PLCXD2: variants seen among roughly 807,000 people sequenced by gnomAD.
The protein encoded by PLCXD2 is PI-PLC X domain-containing protein 2.
In PLCXD2, 21 loss-of-function variants were observed where a neutral mutation model predicts 28.6. The observed-to-expected ratio is 0.73, with a 90% CI of 0.52 to 1.06. PLCXD2 has a LOEUF of 1.06. PLCXD2 is among the 50% of genes least tolerant of loss of function. The pLI is 0.00. For missense variants in PLCXD2, 369 were observed against 376.7 expected, an observed-to-expected ratio of 0.98 and a Z score of 0.17; for synonymous variants, 140 against 150.1, an observed-to-expected ratio of 0.93 and a Z score of 0.49.
intron 2 of PLCXD2, among the ~76,000 whole-genome samples, chr3:111,711,158 A>G (rs1941194536): frequency 6.6e-6 from 1 of 152,198 alleles, no homozygotes; most frequent in South Asian, 2.1e-4. Context: ...CTGTAATCCC[A>G]GCACTTTGGG....
chr3:111,679,359 C>T (rs1271932682), intron 1 of PLCXD2, among the ~76,000 whole-genome samples: 2 of 152,140 alleles, frequency 1.3e-5, no homozygotes, highest in African/African-American at 4.8e-5. Flanking sequence ...TCTGGTCCTT[C>T]CATATCCCTG....
chr3:111,710,461 G>A (rs544008516), intron 2 of PLCXD2, among the ~76,000 whole-genome samples: 2 of 152,192 alleles, frequency 1.3e-5, no homozygotes, highest in South Asian at 4.2e-4. Flanking sequence ...CTTTGTTATT[G>A]TCACCATTTT....
intron 1 of PLCXD2, among the ~76,000 whole-genome samples, chr3:111,697,782 TAAA>T (rs1176732737): frequency 1.3e-5 from 2 of 152,174 alleles, no homozygotes; most frequent in African/African-American, 4.8e-5. Context: ...TTGTTAAAAA[TAAA>T]AAGTTTAAGA....
chr3:111,706,457 T>C (rs1328529271), intron 1 of PLCXD2, among the ~76,000 whole-genome samples: 1 of 152,196 alleles, frequency 6.6e-6, no homozygotes, highest in African/African-American at 2.4e-5. Flanking sequence ...ACCAATGTCT[T>C]GAAGCATTTC....
chr3:111,685,443 CTT>C (rs1299778010), intron 1 of PLCXD2, among the ~76,000 whole-genome samples: 21 of 152,062 alleles, frequency 1.4e-4, no homozygotes, highest in Non-Finnish European at 2.1e-4. Context: ...GAAATGGAAA[CTT>C]TTAGTTGCTT....
At position 111,675,053 on chromosome 3, in the gene PLCXD2, G is replaced by T; in HGVS notation, c.-193G>T. The T allele has an allele frequency of 1.6e-6, 1 of 607,386 alleles. No homozygotes were observed. The highest frequency in any genetic ancestry group is 2.9e-6 in the Non-Finnish European group (1 of 348,224). 37.6% of individuals were successfully genotyped at this position (607,386 alleles called of 1,614,324 possible). ...AGATTAAGGGAGTGGAGCGGAGGCT[G>T]GGCCGGAGAGAGTGGGGACTGTGAG... On this transcript the variant is annotated 5_prime_UTR_variant, in exon 1 of 5. Transcript: ENST00000477665.
At chr3:111,680,607 C>G (rs1215099927) in intron 1 of PLCXD2, among the ~76,000 whole-genome samples, 2 of 152,270 alleles carry the variant, frequency 1.3e-5, no homozygotes, top group Admixed American at 1.3e-4. Flanking sequence ...AGGTTTCACT[C>G]TTAAAAAGGC....
intron 1 of PLCXD2, among the ~76,000 whole-genome samples, chr3:111,694,141 C>G (rs1462909977): frequency 6.6e-6 from 1 of 152,158 alleles, no homozygotes; most frequent in Admixed American, 6.5e-5. Context: ...CCCCTCTGAT[C>G]CCTCTCCTTT....
intron 1 of PLCXD2, among the ~76,000 whole-genome samples, chr3:111,699,817 T>C (rs537457587): frequency 2.0e-5 from 3 of 152,292 alleles, no homozygotes; most frequent in African/African-American, 7.2e-5. Flanking sequence ...TCCCAATATT[T>C]TTCTTCTTCA....
At chr3:111,684,593 G>T (rs1366946476) in intron 1 of PLCXD2, among the ~76,000 whole-genome samples, 1 of 151,818 alleles carries the variant, frequency 6.6e-6, no homozygotes, top group East Asian at 1.9e-4. Context: ...GGCGGAGGTT[G>T]CAGAGAGCCA....
chr3:111,694,242 A>G (rs1940928851), intron 1 of PLCXD2, among the ~76,000 whole-genome samples: 1 of 152,064 alleles, frequency 6.6e-6, no homozygotes, highest in Admixed American at 6.5e-5. Context: ...TCTTTCCAAG[A>G]GTCTATCTCT....
At chr3:111,686,641 C>T (rs1940799741) in intron 1 of PLCXD2, among the ~76,000 whole-genome samples, 2 of 152,170 alleles carry the variant, frequency 1.3e-5, no homozygotes, top group African/African-American at 4.8e-5. Context: ...CTCAGCCTTT[C>T]TCTACTTGTT....
Position 111,708,353 on chromosome 3 carries a change from G to A in PLCXD2, c.591G>A (p.Leu197=), listed in dbSNP as rs887538682. The A allele has an allele frequency of 6.2e-7, 1 of 1,614,116 alleles. No individual in the cohort carries two copies. The highest frequency in any genetic ancestry group is 1.3e-5 in the African/African-American group (1 of 75,050). ...GCCCAGCCTGCAGTGTGGAAAGTTT[G>A]ACGCTGCGAACTCTGTGGGAGAAGA... is the stretch of plus-strand genomic sequence containing the variant. Residue 197 remains leucine, a synonymous_variant, in exon 2 of 5, where the codon TTG becomes TTA. Coordinates refer to ENST00000477665, the MANE Select transcript of PLCXD2 (RefSeq NM_001185106.1).
chr3:111,722,617 C>CTGGAT (rs1458499001), intron 3 of PLCXD2: 1 of 152,198 alleles, frequency 6.6e-6, no homozygotes, highest in Admixed American at 6.5e-5. Flanking sequence ...GTGGCAGCTT[C>CTGGAT]TGGATTCTTA....
chr3:111,685,368 T>C (rs906040656), intron 1 of PLCXD2, among the ~76,000 whole-genome samples: 1 of 152,232 alleles, frequency 6.6e-6, no homozygotes, highest in Non-Finnish European at 1.5e-5. Flanking sequence ...GTATGAATTC[T>C]CTCTTGGCAG....
intron 3 of PLCXD2, among the ~76,000 whole-genome samples, chr3:111,715,030 G>A (rs1323489759): frequency 1.3e-5 from 2 of 152,080 alleles, no homozygotes; most frequent in African/African-American, 4.8e-5. Context: ...CTATTTATTT[G>A]GTCCTGAGTT....
At chr3:111,709,125 A>G (rs1405594288) in intron 2 of PLCXD2, among the ~76,000 whole-genome samples, 1 of 152,088 alleles carries the variant, frequency 6.6e-6, no homozygotes, top group Non-Finnish European at 1.5e-5. Context: ...CCTTTCATTC[A>G]AAGTTACTCA....
intron 3 of PLCXD2, among the ~76,000 whole-genome samples, chr3:111,719,474 A>G (rs1941317185): frequency 6.6e-6 from 1 of 152,226 alleles, no homozygotes. Context: ...AAAAACTGGC[A>G]ATAGCCCAAG....
At chr3:111,689,363 G>A (rs1940842332) in intron 1 of PLCXD2, among the ~76,000 whole-genome samples, 1 of 152,230 alleles carries the variant, frequency 6.6e-6, no homozygotes, top group Admixed American at 6.5e-5. Context: ...CAAGCCAGTT[G>A]GAGAGAGATT....
Sources: allele counts gnomAD v4.1 joint callset (sites outside exome capture counted in the v4.1 genomes callset), GRCh38; gene constraint gnomAD v4.1.1; transcripts MANE v1.5; gene names NCBI Gene and HGNC (gene_info 2026-07-23, HGNC 2026-07-21).